Variants in NR1H4 observed in about 807,000 individuals in gnomAD.
The protein encoded by NR1H4 is bile acid receptor.
In NR1H4, 23 loss-of-function variants were observed where a neutral mutation model predicts 58.5. The ratio of observed to expected loss-of-function variants is 0.39; its 90% CI spans 0.28 to 0.56. The LOEUF is 0.56. NR1H4 is among the 20% of genes least tolerant of loss of function. NR1H4 has a pLI of 0.58. For missense variants in NR1H4, 487 were observed against 576.9 expected (o/e 0.84, Z 1.60); for synonymous variants, 214 against 198.0 (o/e 1.08, Z -0.68).
rs544958242 is a variant in NR1H4, at chr12:100,556,992, A to AT, written c.1079-4886dup. On this transcript the variant is annotated intron_variant, in intron 9 of 10. Coordinates refer to ENST00000392986, the MANE Select transcript of NR1H4 (RefSeq NM_001206979.2). ...GCTGTGTCCATGCATGTTAGAAGTAATTTTTTTCCTTTTTGTATTCATTTT... is the reference window on the plus strand; with the variant it reads ...GCTGTGTCCATGCATGTTAGAAGTAATTTTTTTTCCTTTTTGTATTCATTTT... Among the ~76,000 whole-genome samples, 126 of 152,050 alleles carry AT rather than the reference A, an allele frequency of 8.3e-4. 5 individuals are homozygous for AT. The South Asian group carries it at 0.026, about 31-fold the overall frequency.
chr12:100,537,024 T>C lies in NR1H4; in HGVS notation c.908T>C (p.Val303Ala). Residue 303 changes from valine to alanine, a missense_variant, in exon 8 of 11, where the codon GTA becomes GCA. Transcript: ENST00000392986. ...EMATNHVQVLVEFTKKLPGFQ... is the reference protein window; with the variant it reads ...EMATNHVQVLAEFTKKLPGFQ... ...GCAACCAATCATGTACAGGTTCTTGTAGAATTCACAAAAAAGCTACCAGGT... is the reference window on the plus strand; with the variant it reads ...GCAACCAATCATGTACAGGTTCTTGCAGAATTCACAAAAAAGCTACCAGGT... 2 of 1,605,236 alleles carry C rather than the reference T, an allele frequency of 1.2e-6. No individual in the cohort carries two copies. Among genetic ancestry groups the C allele is most frequent in the Non-Finnish European group, 1.7e-6 (2 of 1,175,158 alleles).
At chr12:100,489,758 TA>T (rs1407599562) in intron 1 of NR1H4, among the ~76,000 whole-genome samples, 2 of 152,232 alleles carry the variant, frequency 1.3e-5, no homozygotes, top group Admixed American at 6.5e-5. Context: ...AATGGGTGTC[TA>T]AGCTGGGAAG....
intron 9 of NR1H4, among the ~76,000 whole-genome samples, chr12:100,561,259 G>T (rs111581255): frequency 2.6e-5 from 4 of 152,244 alleles, no homozygotes; most frequent in South Asian, 2.1e-4. Context: ...TTAGCCGGGC[G>T]CGGTGGCGGG....
At chr12:100,513,459 A>G (rs1311104937) in intron 4 of NR1H4, among the ~76,000 whole-genome samples, 1 of 152,154 alleles carries the variant, frequency 6.6e-6, no homozygotes, top group African/African-American at 2.4e-5. Context: ...AGATTTTAAA[A>G]TGGTGTGGAA....
At chr12:100,518,629 C>A (rs1468732231) in intron 4 of NR1H4, among the ~76,000 whole-genome samples, 1 of 152,074 alleles carries the variant, frequency 6.6e-6, no homozygotes, top group Non-Finnish European at 1.5e-5. Flanking sequence ...CCACAGCAGC[C>A]TCTGTTGCAA....
intron 1 of NR1H4, among the ~76,000 whole-genome samples, chr12:100,476,474 T>G (rs1355554577): frequency 6.6e-6 from 1 of 152,186 alleles, no homozygotes; most frequent in Non-Finnish European, 1.5e-5. Flanking sequence ...CAATGAACTC[T>G]CCATGCTGCT....
At chr12:100,536,427 TTAGG>T in intron 6 of NR1H4, 81 bp from the exon 7 acceptor site, 1 of 772,706 alleles carries the variant, frequency 1.3e-6, no homozygotes, top group Non-Finnish European at 2.3e-6. Context: ...ATTTCTGCTA[TTAGG>T]TCCCTCCAGA....
At chr12:100,514,034 T>C (rs1295032009) in intron 4 of NR1H4, among the ~76,000 whole-genome samples, 1 of 152,212 alleles carries the variant, frequency 6.6e-6, no homozygotes, top group Non-Finnish European at 1.5e-5. Flanking sequence ...GCTCTTACAC[T>C]GGAGGGCAAA....
At chr12:100,516,595 T>A (rs1396477009) in intron 4 of NR1H4, among the ~76,000 whole-genome samples, 3 of 152,156 alleles carry the variant, frequency 2.0e-5, no homozygotes, top group East Asian at 3.9e-4. Context: ...CTCCATCTCC[T>A]GACCTCGTGA....
At chr12:100,510,007 C>A (rs1954066720) in intron 3 of NR1H4, among the ~76,000 whole-genome samples, 1 of 152,060 alleles carries the variant, frequency 6.6e-6, no homozygotes, top group Non-Finnish European at 1.5e-5. Flanking sequence ...TCATATAGCA[C>A]CATATTGTAG....
intron 9 of NR1H4, among the ~76,000 whole-genome samples, chr12:100,558,860 C>T (rs1399380880): frequency 1.3e-5 from 2 of 152,156 alleles, no homozygotes; most frequent in Non-Finnish European, 2.9e-5. Context: ...TTGGAGCCTG[C>T]CAGCTTTGGT....
At chr12:100,548,446 A>T (rs1184565721) in intron 9 of NR1H4, among the ~76,000 whole-genome samples, 1 of 151,960 alleles carries the variant, frequency 6.6e-6, no homozygotes, top group Non-Finnish European at 1.5e-5. Flanking sequence ...AACCTTCAGA[A>T]CAGGCAAGGC....
intron 1 of NR1H4, among the ~76,000 whole-genome samples, chr12:100,475,268 A>G (rs761533340): frequency 2.0e-5 from 3 of 152,050 alleles, no homozygotes; most frequent in Non-Finnish European, 4.4e-5. Flanking sequence ...AGACACTTTT[A>G]TCTTTGTGTT....
At chr12:100,531,531 A>G (rs1003104009) in intron 4 of NR1H4, among the ~76,000 whole-genome samples, 62 of 152,244 alleles carry the variant, frequency 4.1e-4, no homozygotes, top group African/African-American at 1.5e-3. Flanking sequence ...CCAATGGAGA[A>G]AGAGACAACT....
intron 1 of NR1H4, among the ~76,000 whole-genome samples, chr12:100,476,613 G>A (rs1315823759): frequency 6.6e-6 from 1 of 152,176 alleles, no homozygotes; most frequent in African/African-American, 2.4e-5. Flanking sequence ...TTAGGTGGGT[G>A]CATAAAGGAC....
intron 3 of NR1H4, among the ~76,000 whole-genome samples, chr12:100,495,862 C>G (rs1953704276): frequency 6.6e-6 from 1 of 152,144 alleles, no homozygotes; most frequent in African/African-American, 2.4e-5. Context: ...TTCTATGGCC[C>G]CTTCATGTGC....
chr12:100,542,961 G>C (rs1322694046), intron 9 of NR1H4, among the ~76,000 whole-genome samples: 1 of 152,082 alleles, frequency 6.6e-6, no homozygotes, highest in Non-Finnish European at 1.5e-5. Context: ...CCCCTAAGAA[G>C]CTTACAGTCT....
At chr12:100,480,828 A>G (rs1451835346) in intron 1 of NR1H4, among the ~76,000 whole-genome samples, 2 of 152,194 alleles carry the variant, frequency 1.3e-5, no homozygotes, top group African/African-American at 4.8e-5. Flanking sequence ...CATGTTGCTC[A>G]TTCAGATGTG....
intron 10 of NR1H4, among the ~76,000 whole-genome samples, chr12:100,562,623 C>A (rs1363909930): frequency 6.6e-6 from 1 of 151,810 alleles, no homozygotes; most frequent in Non-Finnish European, 1.5e-5. Context: ...TAATCTTTAC[C>A]ACATGTTTGT....
Sources: gnomAD v4.1 joint callset for allele counts (sites outside exome capture counted in the v4.1 genomes callset) on GRCh38, gnomAD v4.1.1 for gene constraint, MANE v1.5 for transcripts, NCBI Gene and HGNC (gene_info 2026-07-23, HGNC 2026-07-21) for gene names.